The following PSMG2 variants were observed in gnomAD, a reference collection of about 807,000 sequenced individuals.
The protein encoded by PSMG2 is CD40 ligand-activated specific transcript 3.
PSMG2 carries 21 observed loss-of-function variants against 31.5 expected under a neutral mutation model. The ratio of observed to expected loss-of-function variants is 0.67; its 90% confidence interval spans 0.47 to 0.96. The LOEUF (loss-of-function observed/expected upper bound fraction) is 0.96. Among genes scored for constraint, PSMG2 ranks in the 40% least tolerant of loss-of-function variants. The probability of loss-of-function intolerance (pLI) is 0.00; values close to 1 mark genes in which losing one functional copy is unlikely to be tolerated. For synonymous variants in PSMG2, 120 were observed against 110.4 expected, an observed-to-expected ratio of 1.09 and a Z score of -0.54; for missense variants, 318 against 321.2, an observed-to-expected ratio of 0.99 and a Z score of 0.08.
rs540546578 is a variant in PSMG2 at position 12,713,211 on chromosome 18, A to G, written c.288+451A>G. 2.6e-5 allele frequency among the ~76,000 whole-genome samples: 4 copies of G among 152,216 alleles called. No individual in the cohort carries two copies. In the South Asian group the frequency reaches 8.3e-4, roughly 32 times the overall value. On this transcript the variant is annotated intron_variant, in intron 3 of 6. Coordinates refer to ENST00000317615, the MANE Select transcript of PSMG2 (RefSeq NM_020232.5). ...CTAACTTGCTGATCTGCCTCCCACAAACAGCAGCACTGATGATCCTCTAAA... is the reference window on the plus strand; with the variant it reads ...CTAACTTGCTGATCTGCCTCCCACAGACAGCAGCACTGATGATCCTCTAAA...
chr18:12,699,238 C>G (rs1343579423), upstream of PSMG2: 8 of 1,363,760 alleles, frequency 5.9e-6, no homozygotes, highest in Non-Finnish European at 8.2e-6. Flanking sequence ...AGGAAACTGC[C>G]AAATAACTTA....
Position 12,724,621 on chromosome 18 carries a change from TA to T in PSMG2, c.702+4del. 6.3e-7 allele frequency: 1 copy of T among 1,598,618 alleles called. No homozygotes were observed. The highest frequency in any genetic ancestry group is 8.5e-7 in the Non-Finnish European group (1 of 1,174,106). Reference sequence around the variant, plus strand: ...TGGCTTCAGATACTCAAACCACTTGTAAGTTCTATTATAGCTTAAGCCTCTT... The same window carrying T: ...TGGCTTCAGATACTCAAACCACTTGTAGTTCTATTATAGCTTAAGCCTCTT... On this transcript the variant is annotated splice_donor_region_variant and intron_variant, in intron 6 of 6. Transcript: ENST00000317615.
chr18:12,695,851 T>TCC (rs398041169), intron 1 of PSMG2, among the ~76,000 whole-genome samples: 1 of 110,578 alleles, frequency 9.0e-6, no homozygotes, highest in Non-Finnish European at 1.8e-5. Context: ...TCATTCCTTC[T>TCC]CCACACACAC....
intron 5 of PSMG2, among the ~76,000 whole-genome samples, chr18:12,723,475 C>T (rs1329702326): frequency 3.3e-5 from 5 of 152,040 alleles, no homozygotes; most frequent in Middle Eastern, 3.4e-3. Context: ...TCTTCATTTG[C>T]GACAGAGTCT....
intron 1 of PSMG2, among the ~76,000 whole-genome samples, chr18:12,681,881 A>T (rs1005926557): frequency 1.3e-5 from 2 of 152,072 alleles, no homozygotes; most frequent in Non-Finnish European, 2.9e-5. Context: ...CTGTAATCCC[A>T]GCTACTCAGG....
chr18:12,695,737 T>C (rs149568868), intron 1 of PSMG2, among the ~76,000 whole-genome samples: 1 of 152,136 alleles, frequency 6.6e-6, no homozygotes, highest in East Asian at 1.9e-4. Flanking sequence ...TTTAAGAAAC[T>C]TTTCTGACTT....
intron 1 of PSMG2, among the ~76,000 whole-genome samples, chr18:12,705,695 A>G (rs752601135): frequency 2.0e-5 from 3 of 152,088 alleles, no homozygotes; most frequent in Non-Finnish European, 4.4e-5. Flanking sequence ...GCTTCTGTTC[A>G]TACCTCGAAG....
At position 12,719,792 on chromosome 18, in the gene PSMG2, C is replaced by T. The variant is rs181293930; in HGVS notation, c.408-718C>T. On this transcript the variant is annotated intron_variant, in intron 4 of 6. Coordinates refer to ENST00000317615, the MANE Select transcript of PSMG2 (RefSeq NM_020232.5). ...AGGCTGGAGTGCAGTGGCGCAATCT[C>T]GAGTCACTGCAACCTCTGCCTCCTG... Among the ~76,000 whole-genome samples the T allele has an allele frequency of 2.8e-3, 379 of 136,842 alleles. 3 individuals are homozygous for T. Among genetic ancestry groups the T allele is most frequent in the South Asian group, 0.016 (66 of 4,258 alleles). 89.8% of individuals were successfully genotyped at this position (136,842 alleles called of 152,430 possible).
intron 1 of PSMG2, chr18:12,674,831 T>C: frequency 1.2e-6 from 1 of 804,448 alleles, no homozygotes; most frequent in Non-Finnish European, 1.9e-6. Flanking sequence ...ATGTTGATTA[T>C]TTTAATGTAT....
intron 5 of PSMG2, among the ~76,000 whole-genome samples, chr18:12,722,363 C>T (rs771324029): frequency 1.7e-4 from 26 of 152,080 alleles, no homozygotes; most frequent in Non-Finnish European, 3.2e-4. Flanking sequence ...GACTGCAGCA[C>T]AGGGAGCGGA....
chr18:12,705,545 AAGAG>A (rs142910283), intron 1 of PSMG2, among the ~76,000 whole-genome samples: 30,071 of 137,170 alleles, frequency 0.22, 3,639 homozygotes, highest in Non-Finnish European at 0.28. Flanking sequence ...TCATGGGAAA[AAGAG>A]AGAGAGAGAG....
At position 12,703,127 on chromosome 18, in the gene PSMG2, A is replaced by C; in HGVS notation, c.20A>C (p.Glu7Ala). Residue 7 changes from glutamate to alanine, a missense_variant, in exon 1 of 7, where the codon GAG (glutamate) becomes GCG (alanine). By Grantham distance (107) the Glu-to-Ala change is moderately radical. Coordinates refer to ENST00000317615, the MANE Select transcript of PSMG2 (RefSeq NM_020232.5). Reference protein sequence around the residue: MFVPCGESAPDLAGFTL... With the variant: MFVPCGASAPDLAGFTL... ...GCGACCATGTTCGTTCCCTGCGGGG[A>C]GTCGGCCCCCGACCTTGCCGGCTTC... is the stretch of plus-strand genomic sequence containing the variant. 6.2e-7 allele frequency: 1 copy of C among 1,612,432 alleles called. No homozygotes were observed. Among genetic ancestry groups the C allele is most frequent in the South Asian group, 1.1e-5 (1 of 90,740 alleles).
chr18:12,681,648 G>C (rs1375902088), intron 1 of PSMG2, among the ~76,000 whole-genome samples: 1 of 152,064 alleles, frequency 6.6e-6, no homozygotes, highest in Non-Finnish European at 1.5e-5. Context: ...CTCAACCAAT[G>C]ACTGATAGTA....
At chr18:12,718,743 C>T in intron 4 of PSMG2, 108 bp downstream of exon 4, 2 of 723,114 alleles carry the variant, frequency 2.8e-6, no homozygotes, top group Non-Finnish European at 4.3e-6. Flanking sequence ...CCTCTTCTTA[C>T]TGGAGTTTAG....
chr18:12,665,791 A>G (rs1027081379), intron 1 of PSMG2, among the ~76,000 whole-genome samples: 4 of 152,104 alleles, frequency 2.6e-5, no homozygotes, highest in African/African-American at 9.7e-5. Context: ...TCTGCCTCCC[A>G]GGCTCATGCA....
chr18:12,689,456 T>C (rs1454899929), intron 1 of PSMG2, among the ~76,000 whole-genome samples: 42 of 152,208 alleles, frequency 2.8e-4, no homozygotes. Context: ...TTCTCTAACC[T>C]TCATACTGTT....
intron 2 of PSMG2, among the ~76,000 whole-genome samples, chr18:12,712,388 G>C (rs1195224560): frequency 6.6e-6 from 1 of 152,098 alleles, no homozygotes; most frequent in Non-Finnish European, 1.5e-5. Context: ...GATTTTATTT[G>C]TCATAATACC....
At chr18:12,678,171 C>T (rs752539145) in intron 1 of PSMG2, 12 of 1,614,022 alleles carry the variant, frequency 7.4e-6, no homozygotes, top group African/African-American at 4.0e-5. Context: ...GTTACTGACG[C>T]GTCAATTGTG....
intron 1 of PSMG2, among the ~76,000 whole-genome samples, chr18:12,687,212 T>A (rs930072751): frequency 5.3e-5 from 8 of 152,184 alleles, no homozygotes; most frequent in African/African-American, 1.9e-4. Context: ...ATAGGGTTCC[T>A]CAGGACATGA....
Sources: gnomAD v4.1 joint callset for allele counts (sites outside exome capture counted in the v4.1 genomes callset) on GRCh38, gnomAD v4.1.1 for gene constraint, MANE v1.5 for transcripts, NCBI Gene and HGNC (gene_info 2026-07-23, HGNC 2026-07-21) for gene names.